The following MGST2 variants were observed in gnomAD, a reference collection of about 807,000 sequenced individuals.
The protein encoded by MGST2 is microsomal glutathione S-transferase 2, also known as glutathione peroxidase MGST2.
Under a neutral mutation model 16.6 loss-of-function variants are expected in MGST2, and 9 were observed. The observed-to-expected ratio is 0.54, with a 90% confidence interval of 0.33 to 0.95. The LOEUF is 0.95. Among genes scored for constraint, MGST2 ranks in the 40% least tolerant of loss-of-function variants. The pLI is 0.03. For synonymous variants in MGST2, 79 were observed against 68.0 expected, an observed-to-expected ratio of 1.16 and a Z score of -0.79; for missense variants, 159 against 175.1, an observed-to-expected ratio of 0.91 and a Z score of 0.52.
At chr4:139,713,704 A>G (rs1417380598) in intron 5 of MGST2, among the ~76,000 whole-genome samples, 2 of 152,248 alleles carry the variant, frequency 1.3e-5, no homozygotes, top group African/African-American at 4.8e-5. Flanking sequence ...CCAAGCGGCC[A>G]ATATTTCTAG....
chr4:139,715,583 C>T lies in MGST2; in HGVS notation c.*48+11387C>T, dbSNP rs575329945. Among the ~76,000 whole-genome samples, 7 of 152,212 alleles carry T rather than the reference C, an allele frequency of 4.6e-5. No individual in the cohort carries two copies. Among genetic ancestry groups the T allele is most frequent in the East Asian group, 1.9e-4 (1 of 5,174 alleles). On this transcript the variant is annotated intron_variant, in intron 5 of 5. Transcript: ENST00000616265. The surrounding 1 kb of genome is among the most constrained non-coding windows in gnomAD (Gnocchi z 4.4). ...GAATGGCTACTCCATAGAGCAGCCCCGAGGGCTGCTGGTTGTCCATTTTTA... is the reference window on the plus strand; with the variant it reads ...GAATGGCTACTCCATAGAGCAGCCCTGAGGGCTGCTGGTTGTCCATTTTTA...
the MGST2 span, among the ~76,000 whole-genome samples, chr4:139,752,780 A>T: frequency 6.6e-6 from 1 of 152,210 alleles, no homozygotes; most frequent in African/African-American, 2.4e-5. Context: ...AGAAGAAAAA[A>T]AAGCTAGAGG....
chr4:139,697,225 A>G lies in MGST2; in HGVS notation c.229+1958A>G, dbSNP rs890527793. Among the ~76,000 whole-genome samples the G allele has an allele frequency of 2.6e-5, 4 of 152,060 alleles. No individual in the cohort carries two copies. The East Asian group carries it at 7.7e-4, about 29-fold the overall frequency. On this transcript the variant is annotated intron_variant, in intron 3 of 4. Transcript: ENST00000265498. ...ATAAACCTGACTGCATTTACACAAA[A>G]CAGTAGAGTTAGCCTATCCCTTCCT...
intron 2 of MGST2, among the ~76,000 whole-genome samples, chr4:139,684,882 A>G (rs970150204): frequency 6.6e-6 from 1 of 152,050 alleles, no homozygotes; most frequent in Non-Finnish European, 1.5e-5. Flanking sequence ...CCAGGCAATA[A>G]GCCTCCCACC....
intron 2 of MGST2, 78 bp downstream of exon 2, chr4:139,678,720 T>C: frequency 9.0e-7 from 1 of 1,107,914 alleles, no homozygotes; most frequent in Non-Finnish European, 1.4e-6. Flanking sequence ...GAAAGGGATA[T>C]GGAGAAGACC....
At chr4:139,695,884 GC>G (rs1726893087) in intron 3 of MGST2, among the ~76,000 whole-genome samples, 1 of 152,022 alleles carries the variant, frequency 6.6e-6, no homozygotes, top group Non-Finnish European at 1.5e-5. Context: ...CTGACCCCCC[GC>G]CCCACACACA....
In MGST2 at chr4:139,715,721, C is replaced by T. The variant is rs1429794136; in HGVS notation, c.*48+11525C>T. On this transcript the variant is annotated intron_variant, in intron 5 of 5. Coordinates refer to the MGST2 transcript ENST00000616265. This position sits in a 1 kb window ranked among gnomAD's most constrained non-coding sequence, Gnocchi z 4.4. The stretch of plus-strand genomic sequence containing the variant: ...CCATGGCATTTGTAAACTGTCATGG[C>T]ACTGGTGGGAGTGTGGCAGTGAGGA... 6.6e-6 allele frequency among the ~76,000 whole-genome samples: 1 copy of T among 152,172 alleles called. No individual in the cohort carries two copies. Among genetic ancestry groups the T allele is most frequent in the Non-Finnish European group, 1.5e-5 (1 of 68,030 alleles).
chr4:139,749,958 T>C, the MGST2 span, among the ~76,000 whole-genome samples: 1 of 144,358 alleles, frequency 6.9e-6, no homozygotes, highest in African/African-American at 2.6e-5. Context: ...AGAAAAGAGA[T>C]GGCAAGGAAC....
the MGST2 span, among the ~76,000 whole-genome samples, chr4:139,746,972 C>A: frequency 6.6e-6 from 1 of 152,112 alleles, no homozygotes; most frequent in Non-Finnish European, 1.5e-5. Flanking sequence ...TGTGGGCCAC[C>A]GGCCGTGGCT....
chr4:139,749,345 G>T, the MGST2 span, among the ~76,000 whole-genome samples: 2 of 152,170 alleles, frequency 1.3e-5, no homozygotes, highest in Non-Finnish European at 2.9e-5. Context: ...AGCACCATGA[G>T]GCCAAGTTAT....
chr4:139,749,893 C>CTG, the MGST2 span, among the ~76,000 whole-genome samples: 2 of 141,132 alleles, frequency 1.4e-5, no homozygotes, highest in African/African-American at 5.3e-5. Flanking sequence ...GAACCCCCCC[C>CTG]CACCCTATTC....
rs1324671339 is a variant in MGST2, at chr4:139,711,598, C to T, written c.*48+7402C>T. On this transcript the variant is annotated intron_variant, in intron 5 of 5. Coordinates refer to the MGST2 transcript ENST00000616265. ...GGAAGACCAGAGGTCACTCTCGTCG[C>T]CATTTTGGTTTTGCTGGATTTTGGC... Among the ~76,000 whole-genome samples the T allele has an allele frequency of 2.0e-5, 3 of 152,092 alleles. No homozygotes were observed. The South Asian group carries it at 6.2e-4, about 32-fold the overall frequency.
downstream of MGST2, among the ~76,000 whole-genome samples, chr4:139,709,239 C>T (rs533747919): frequency 3.2e-4 from 48 of 151,878 alleles, no homozygotes; most frequent in African/African-American, 1.1e-3. Flanking sequence ...CCCGCCACCA[C>T]GCCCAGCTAA....
intron 5 of MGST2, chr4:139,716,728 A>G (rs11940710): frequency 0.13 from 20,001 of 152,560 alleles, 1,523 homozygotes; most frequent in Non-Finnish European, 0.17. Flanking sequence ...TCCAGTGAGG[A>G]TCTTAAAATA....
At position 139,702,844 on chromosome 4, in the gene MGST2, G is replaced by GTTTTTTTTTTTTTTTTT. The variant is rs70943436; in HGVS notation, c.230-601_230-585dup. On this transcript the variant is annotated intron_variant, in intron 3 of 4. Coordinates refer to ENST00000265498, the MANE Select transcript of MGST2 (RefSeq NM_002413.5). Reference sequence around the variant, plus strand: ...TCCTCACCAACATTTTGTGTTACTGGTTTTTTTTTTTTTTTTTTTTTTTTT... The same window carrying GTTTTTTTTTTTTTTTTT: ...TCCTCACCAACATTTTGTGTTACTGGTTTTTTTTTTTTTTTTTTTTTTTTTTTTTTTTTTTTTTTTTT... 2.8e-3 allele frequency among the ~76,000 whole-genome samples: 128 copies of GTTTTTTTTTTTTTTTTT among 46,426 alleles called. 12 individuals are homozygous for GTTTTTTTTTTTTTTTTT. Among genetic ancestry groups the GTTTTTTTTTTTTTTTTT allele is most frequent in the Middle Eastern group, 0.029 (1 of 34 alleles). The allele number at this position is 46,426 out of a possible 152,430, so 30.5% of individuals were successfully genotyped here.
intron 5 of MGST2, among the ~76,000 whole-genome samples, chr4:139,714,106 A>G (rs1316539090): frequency 6.6e-6 from 1 of 152,210 alleles, no homozygotes; most frequent in African/African-American, 2.4e-5. Context: ...GATTTCATCC[A>G]GTTTTTTGTT....
downstream of MGST2, among the ~76,000 whole-genome samples, chr4:139,707,575 A>G (rs1173633935): frequency 6.6e-6 from 1 of 152,118 alleles, no homozygotes; most frequent in East Asian, 1.9e-4. Context: ...ATACCCAGTA[A>G]TGGGATGGCT....
chr4:139,705,508 G>GC (rs1314855925), downstream of MGST2: 4 of 151,450 alleles, frequency 2.6e-5, no homozygotes, highest in South Asian at 2.1e-4. Flanking sequence ...ATTTCAGCCA[G>GC]TTTTTTTTTA....
the MGST2 span, among the ~76,000 whole-genome samples, chr4:139,753,875 G>T: frequency 7.9e-5 from 12 of 152,276 alleles, no homozygotes; most frequent in African/African-American, 2.9e-4. Context: ...TCAGAAGGGA[G>T]ACAAATGGAA....
Sources: gnomAD v4.1 joint callset for allele counts (sites outside exome capture counted in the v4.1 genomes callset) on GRCh38, gnomAD v4.1.1 for gene constraint, Gnocchi (gnomAD v3.1) non-coding constraint, MANE v1.5 for transcripts, NCBI Gene and HGNC (gene_info 2026-07-23, HGNC 2026-07-21) for gene names.